SPART: variants seen among roughly 807,000 people sequenced by gnomAD.
SPART encodes spartin.
A neutral mutation model predicts 58.7 loss-of-function variants in SPART; 35 were observed. The ratio of observed to expected loss-of-function variants is 0.60; its 90% CI spans 0.46 to 0.79. SPART has a LOEUF of 0.79. Ranked by LOEUF, SPART falls within the 30% of genes least tolerant of loss-of-function variation. The pLI is 0.00. For missense variants in SPART, 730 were observed against 786.1 expected (o/e 0.93, Z 0.85); for synonymous variants, 284 against 280.7 (o/e 1.01, Z -0.12).
At chr13:36,319,983 C>G (rs892954146) in intron 5 of SPART, among the ~76,000 whole-genome samples, 3 of 152,106 alleles carry the variant, frequency 2.0e-5, no homozygotes, top group Admixed American at 2.0e-4. Context: ...TTCCTAAGCA[C>G]GGTTAGCGCA....
intron 5 of SPART, among the ~76,000 whole-genome samples, chr13:36,320,574 A>G (rs1333883578): frequency 6.6e-6 from 1 of 152,088 alleles, no homozygotes; most frequent in Non-Finnish European, 1.5e-5. Context: ...TCAGTGTTAC[A>G]TCTGCTATTC....
At chr13:36,367,208 G>A (rs1475766020) in intron 1 of SPART, among the ~76,000 whole-genome samples, 1 of 152,144 alleles carries the variant, frequency 6.6e-6, no homozygotes, top group South Asian at 2.1e-4. Context: ...CCTTTGATAT[G>A]CAAATGCTGG....
At chr13:36,304,736 A>G in intron 8 of SPART, 104 bp from the exon 9 acceptor site, 2 of 1,221,918 alleles carry the variant, frequency 1.6e-6, no homozygotes, top group Non-Finnish European at 2.3e-6. Context: ...TTACCCCTGA[A>G]AGCAAAATTA....
chr13:36,313,202 C>A (rs181804681), intron 6 of SPART, among the ~76,000 whole-genome samples: 1 of 152,158 alleles, frequency 6.6e-6, no homozygotes, highest in East Asian at 1.9e-4. Flanking sequence ...TGACCCTCAA[C>A]TGCTAAGCAG....
chr13:36,355,111 T>C (rs1885571591), intron 1 of SPART, among the ~76,000 whole-genome samples: 1 of 152,214 alleles, frequency 6.6e-6, no homozygotes, highest in Non-Finnish European at 1.5e-5. Flanking sequence ...TGCAGTGATC[T>C]TTAGAACAGA....
At chr13:36,332,350 T>C (rs550645146) in intron 2 of SPART, among the ~76,000 whole-genome samples, 4 of 152,090 alleles carry the variant, frequency 2.6e-5, no homozygotes, top group Non-Finnish European at 5.9e-5. Flanking sequence ...CTACAAAAAT[T>C]AGCTGGGGGT....
At chr13:36,355,092 T>C (rs1403951677) in intron 1 of SPART, among the ~76,000 whole-genome samples, 1 of 152,218 alleles carries the variant, frequency 6.6e-6, no homozygotes, top group Non-Finnish European at 1.5e-5. Flanking sequence ...AATTGCTTGA[T>C]AATGGAGTTG....
intron 1 of SPART, among the ~76,000 whole-genome samples, chr13:36,340,971 T>C (rs1238238752): frequency 2.0e-5 from 3 of 152,148 alleles, no homozygotes; most frequent in African/African-American, 4.8e-5. Flanking sequence ...TACAACCATA[T>C]TGAAAGATGG....
At position 36,304,383 on chromosome 13, in the gene SPART, T is replaced by C; in HGVS notation, c.1983A>G (p.Ala661=). 1 of 1,614,136 alleles carries C rather than the reference T, an allele frequency of 6.2e-7. No homozygotes were observed. Among genetic ancestry groups the C allele is most frequent in the Non-Finnish European group, 8.5e-7 (1 of 1,179,978 alleles). Residue 661 remains alanine (A), a synonymous_variant, in exon 9 of 9, where the codon GCA becomes GCG. Transcript: ENST00000438666. ...CACTTCATCATTTATCTTTCTTCTT[T>C]GCCTCCTTTACTTCCTTCGTCTGCT... ...KDEQTKEVKE[A]KKKDK
At chr13:36,320,160 A>G (rs1882221876) in intron 5 of SPART, among the ~76,000 whole-genome samples, 1 of 152,080 alleles carries the variant, frequency 6.6e-6, no homozygotes, top group Non-Finnish European at 1.5e-5. Flanking sequence ...CTCACTCTCT[A>G]CAGTTCTCAT....
At chr13:36,320,936 A>G (rs1882313175) in intron 5 of SPART, among the ~76,000 whole-genome samples, 1 of 152,132 alleles carries the variant, frequency 6.6e-6, no homozygotes, top group African/African-American at 2.4e-5. Context: ...ACGGTCCTCC[A>G]TCTTCAAGAA....
intron 5 of SPART, among the ~76,000 whole-genome samples, chr13:36,320,657 A>G (rs1317657897): frequency 6.6e-6 from 1 of 152,140 alleles, no homozygotes; most frequent in Non-Finnish European, 1.5e-5. Flanking sequence ...CTCCCACCCA[A>G]GACTGGCAAA....
upstream of SPART, among the ~76,000 whole-genome samples, chr13:36,347,533 G>A (rs1004744719): frequency 6.6e-6 from 1 of 152,120 alleles, no homozygotes; most frequent in Non-Finnish European, 1.5e-5. Context: ...GATTACAGGC[G>A]TGAGTCACCG....
At chr13:36,329,280 G>A (rs1883237959) in intron 4 of SPART, 82 bp downstream of exon 4, 2 of 1,503,698 alleles carry the variant, frequency 1.3e-6, no homozygotes, top group Admixed American at 1.7e-5. Flanking sequence ...TTAGTATATG[G>A]GAATATGATC....
chr13:36,331,314 T>TTAGG (rs1883435056), intron 3 of SPART, 85 bp downstream of exon 3: 1 of 1,122,368 alleles, frequency 8.9e-7, no homozygotes, highest in South Asian at 1.2e-5. Context: ...TTGATTACAG[T>TTAGG]AGAGGTTATT....
At chr13:36,339,511 A>AG in intron 1 of SPART, among the ~76,000 whole-genome samples, 3 of 150,956 alleles carry the variant, frequency 2.0e-5, no homozygotes, top group African/African-American at 7.3e-5. Flanking sequence ...ATGCACCTGT[A>AG]CCCCAGCTAC....
Position 36,335,434 on chromosome 13 carries a change from T to C in SPART, c.397A>G (p.Ser133Gly). 6.2e-7 allele frequency: 1 copy of C among 1,614,140 alleles called. No individual in the cohort carries two copies. Among genetic ancestry groups the C allele is most frequent in the Non-Finnish European group, 8.5e-7 (1 of 1,180,016 alleles). Residue 133 changes from serine (S) to glycine (G), a missense_variant, in exon 2 of 9, where the codon AGT becomes GGT. By Grantham distance (56) the Ser-to-Gly change is moderately conservative. Transcript: ENST00000438666. ...ACTTCAGCATGCTGAGGAGCTGAAC[T>C]AAAAGACTGAGGCTCTGGTAATTTT... is the stretch of plus-strand genomic sequence containing the variant. ...CEKLPEPQSFSSAPQHAEVNG... is the reference protein window; with the variant it reads ...CEKLPEPQSFGSAPQHAEVNG...
chr13:36,330,569 G>T (rs1379466086), intron 3 of SPART, among the ~76,000 whole-genome samples: 2 of 151,972 alleles, frequency 1.3e-5, no homozygotes, highest in Non-Finnish European at 2.9e-5. Flanking sequence ...GAGAATAAAA[G>T]ATTATACTAT....
At chr13:36,365,791 A>G (rs1335705379) in intron 1 of SPART, 3 of 307,758 alleles carry the variant, frequency 9.7e-6, no homozygotes, top group South Asian at 3.4e-5. Flanking sequence ...TGTGGAATGC[A>G]TGGGTGGACT....
Sources: allele counts gnomAD v4.1 joint callset (sites outside exome capture counted in the v4.1 genomes callset), GRCh38; gene constraint gnomAD v4.1.1; transcripts MANE v1.5; gene names NCBI Gene and HGNC (gene_info 2026-07-23, HGNC 2026-07-21).